Variants in MAST2 observed in about 807,000 individuals in gnomAD.
MAST2 encodes microtubule associated serine/threonine kinase 2, also known as microtubule-associated serine/threonine-protein kinase 2.
MAST2 carries 70 observed loss-of-function variants against 147.4 expected under a neutral mutation model. That is an observed-to-expected ratio of 0.47 (90% CI 0.39 to 0.58). The LOEUF (loss-of-function observed/expected upper bound fraction) is 0.58. Among genes scored for constraint, MAST2 ranks in the 20% least tolerant of loss-of-function variants. The pLI is 0.00. For synonymous variants in MAST2, 869 were observed against 896.8 expected (o/e 0.97, Z 0.55); for missense variants, 2,080 against 2,302.3 (o/e 0.90, Z 1.98).
chr1:45,945,164 G>A (rs752386839), intron 4 of MAST2, among the ~76,000 whole-genome samples: 1 of 152,136 alleles, frequency 6.6e-6, no homozygotes, highest in South Asian at 2.1e-4. Flanking sequence ...TTAGCCAGGT[G>A]TGGTGGTGTG....
chr1:46,017,610 A>G (rs1646009488), intron 10 of MAST2, among the ~76,000 whole-genome samples: 1 of 152,028 alleles, frequency 6.6e-6, no homozygotes, highest in East Asian at 1.9e-4. Context: ...AATCAAAACC[A>G]CAATGAGATA....
intron 5 of MAST2, among the ~76,000 whole-genome samples, chr1:45,993,820 G>C (rs550321243): frequency 6.6e-6 from 1 of 152,170 alleles, no homozygotes; most frequent in Admixed American, 6.5e-5. Context: ...GGGTTCCCAG[G>C]TCACCCATAC....
intron 15 of MAST2, 36 bp downstream of exon 15, chr1:46,024,016 G>C: frequency 6.3e-7 from 1 of 1,595,112 alleles, no homozygotes; most frequent in Non-Finnish European, 8.6e-7. Context: ...TGGAGGCCAA[G>C]GCACAGTCTG....
intron 4 of MAST2, among the ~76,000 whole-genome samples, chr1:45,939,775 C>G (rs914166711): frequency 6.6e-6 from 1 of 151,992 alleles, no homozygotes; most frequent in Non-Finnish European, 1.5e-5. Flanking sequence ...CTCCTGACCT[C>G]GTGATCTGCC....
At chr1:46,022,851 A>G in intron 12 of MAST2, 59 bp from the exon 13 acceptor site, 1 of 1,252,000 alleles carries the variant, frequency 8.0e-7, no homozygotes, top group Admixed American at 1.7e-5. Context: ...TGATCTGAGG[A>G]TACTGCTGAG....
chr1:45,925,748 C>T (rs1234925351), intron 4 of MAST2, among the ~76,000 whole-genome samples: 2 of 152,226 alleles, frequency 1.3e-5, no homozygotes, highest in Admixed American at 1.3e-4. Flanking sequence ...CTTTATCTTG[C>T]TTCCTACTGC....
intron 10 of MAST2, among the ~76,000 whole-genome samples, chr1:46,011,662 C>T (rs1272442713): frequency 6.6e-6 from 1 of 152,198 alleles, no homozygotes; most frequent in African/African-American, 2.4e-5. Context: ...CCGCAGAGCT[C>T]ATCACATCAC....
At chr1:46,020,197 A>G (rs948821232) in intron 11 of MAST2, among the ~76,000 whole-genome samples, 3 of 152,218 alleles carry the variant, frequency 2.0e-5, no homozygotes, top group Non-Finnish European at 4.4e-5. Flanking sequence ...TGAGGTCAGT[A>G]CACAGCGTAA....
chr1:45,806,611 T>C (rs749367370), intron 1 of MAST2, among the ~76,000 whole-genome samples: 1 of 152,156 alleles, frequency 6.6e-6, no homozygotes, highest in Non-Finnish European at 1.5e-5. Context: ...AGAGTCTTGC[T>C]CTCTCGCCCA....
intron 10 of MAST2, among the ~76,000 whole-genome samples, chr1:46,018,011 A>G (rs1646030331): frequency 6.6e-6 from 1 of 152,172 alleles, no homozygotes; most frequent in Admixed American, 6.5e-5. Flanking sequence ...CAAGGAACTC[A>G]CTGGCCAATT....
rs558239715 is a variant in MAST2 at position 45,868,868 on chromosome 1, G to T, written c.469-13496G>T. ...AAATGTAACCTAATTATTTGCTTCT[G>T]TTGTTCTACATTTCCTTGTTCTTTT... On this transcript the variant is annotated intron_variant, in intron 3 of 28. Transcript: ENST00000361297. Among the ~76,000 whole-genome samples the T allele has an allele frequency of 3.3e-5, 5 of 152,254 alleles. No homozygotes were observed. The East Asian group carries it at 7.7e-4, about 24-fold the overall frequency.
At chr1:45,870,169 C>T (rs911030032) in intron 3 of MAST2, among the ~76,000 whole-genome samples, 1 of 152,160 alleles carries the variant, frequency 6.6e-6, no homozygotes, top group Non-Finnish European at 1.5e-5. Flanking sequence ...GGTGATCTGC[C>T]CACCTTGGCC....
At chr1:45,840,607 T>C (rs1185291181) in intron 3 of MAST2, among the ~76,000 whole-genome samples, 5 of 152,204 alleles carry the variant, frequency 3.3e-5, no homozygotes, top group African/African-American at 1.2e-4. Flanking sequence ...CCATTTAAAA[T>C]AGCATAGTGC....
intron 1 of MAST2, among the ~76,000 whole-genome samples, chr1:45,820,013 A>G (rs1644572678): frequency 6.6e-6 from 1 of 152,212 alleles, no homozygotes; most frequent in African/African-American, 2.4e-5. Context: ...AATAGAACGG[A>G]ATAGAGAACC....
intron 4 of MAST2, among the ~76,000 whole-genome samples, chr1:45,901,818 G>A (rs886200712): frequency 3.3e-5 from 5 of 152,088 alleles, no homozygotes; most frequent in African/African-American, 1.2e-4. Context: ...ACTGATTTGT[G>A]CATTAATTTT....
rs552423861 is a variant in MAST2 at position 45,846,007 on chromosome 1, G to A, written c.468+16426G>A. On this transcript the variant is annotated intron_variant, in intron 3 of 28. Coordinates refer to ENST00000361297, the MANE Select transcript of MAST2 (RefSeq NM_015112.3). ...GAACTCCTGACCTTGTGATCTGCCCGCCTCGGCCTCCCAAAGTGCTGGGAT... is the reference window on the plus strand; with the variant it reads ...GAACTCCTGACCTTGTGATCTGCCCACCTCGGCCTCCCAAAGTGCTGGGAT... 1.8e-3 allele frequency among the ~76,000 whole-genome samples: 271 copies of A among 152,206 alleles called. 1 individual carries two copies. Among genetic ancestry groups the A allele is most frequent in the Middle Eastern group, 6.8e-3 (2 of 294 alleles).
At chr1:45,912,356 C>G (rs72690901) in intron 4 of MAST2, among the ~76,000 whole-genome samples, 1 of 152,104 alleles carries the variant, frequency 6.6e-6, no homozygotes, top group Non-Finnish European at 1.5e-5. Context: ...TAATGGATGT[C>G]ATAAACACAC....
chr1:45,937,384 G>C (rs1656389487), intron 4 of MAST2, among the ~76,000 whole-genome samples: 1 of 151,250 alleles, frequency 6.6e-6, no homozygotes, highest in Non-Finnish European at 1.5e-5. Flanking sequence ...TCCCACCTCA[G>C]CTTCCCAAGT....
intron 4 of MAST2, among the ~76,000 whole-genome samples, chr1:45,933,929 A>T (rs2148735719): frequency 6.9e-6 from 1 of 144,266 alleles, no homozygotes; most frequent in South Asian, 2.2e-4. Context: ...CCCCAACTTT[A>T]GCTTTAGGGT....
Sources: allele counts gnomAD v4.1 joint callset (sites outside exome capture counted in the v4.1 genomes callset), GRCh38; gene constraint gnomAD v4.1.1; transcripts MANE v1.5; gene names NCBI Gene and HGNC (gene_info 2026-07-23, HGNC 2026-07-21).